The following KIAA1217 variants were observed in gnomAD, a reference collection of about 807,000 sequenced individuals.
The protein encoded by KIAA1217 is KIAA1217, also known as sickle tail protein homolog.
Under a neutral mutation model 163.9 loss-of-function variants are expected in KIAA1217, and 88 were observed. The ratio of observed to expected loss-of-function variants is 0.54; its 90% CI spans 0.45 to 0.64. The LOEUF (loss-of-function observed/expected upper bound fraction) is 0.64. Ranked by LOEUF, KIAA1217 falls within the 30% of genes least tolerant of loss-of-function variation. The probability of loss-of-function intolerance (pLI) is 0.00; values close to 1 mark genes in which losing one functional copy is unlikely to be tolerated. For missense variants in KIAA1217, 2,372 were observed against 2,475.0 expected (o/e 0.96, Z 0.88); for synonymous variants, 903 against 923.1 (o/e 0.98, Z 0.39).
At chr10:23,831,599 T>A (rs1242174882) in intron 1 of KIAA1217, among the ~76,000 whole-genome samples, 1 of 152,108 alleles carries the variant, frequency 6.6e-6, no homozygotes, top group Non-Finnish European at 1.5e-5. Context: ...AATAATTGTA[T>A]TAGGAATGTA....
intron 2 of KIAA1217, among the ~76,000 whole-genome samples, chr10:24,312,155 C>G (rs2042783760): frequency 6.6e-6 from 1 of 152,260 alleles, no homozygotes; most frequent in Non-Finnish European, 1.5e-5. Flanking sequence ...TCTCCCTGAG[C>G]CTTTCAGCAC....
At chr10:24,479,765 A>G (rs773484111) in intron 6 of KIAA1217, among the ~76,000 whole-genome samples, 4 of 152,216 alleles carry the variant, frequency 2.6e-5, no homozygotes, top group Non-Finnish European at 5.9e-5. Flanking sequence ...GAGAAGGTCA[A>G]GGGAGAAGTG....
chr10:24,544,016 C>T lies in KIAA1217; in HGVS notation c.4746C>T (p.Leu1582=), dbSNP rs756325791. 10 of 1,614,154 alleles carry T rather than the reference C, an allele frequency of 6.2e-6. No individual in the cohort carries two copies. Among genetic ancestry groups the T allele is most frequent in the Admixed American group, 1.7e-5 (1 of 60,018 alleles). The change falls in exon 19 of 21, where the codon CTC becomes CTT. Residue 1582 remains leucine (L), a synonymous_variant. Transcript: ENST00000376454. ...AATTCAAATTCCCTAAGAAGCAACT[C>T]GCCGCTCTCACTCAAGCCATTCGCA... The part of the protein sequence containing the change: ...KFKFKFPKKQ[L]AALTQAIRTG...
At position 24,091,631 on chromosome 10, in the gene KIAA1217, G is replaced by A. The variant is rs535092374; in HGVS notation, c.-171+84257G>A. 1.4e-4 allele frequency among the ~76,000 whole-genome samples: 21 copies of A among 151,972 alleles called. No homozygotes were observed. In the South Asian group the frequency reaches 4.2e-3, roughly 30 times the overall value. ...ATCTGGGTGGTAACTGTGATACTGG[G>A]ATCCAATTGTGAACATCATAAGAGT... On this transcript the variant is annotated intron_variant, in intron 2 of 18. Coordinates refer to the KIAA1217 transcript ENST00000376462.
At chr10:24,528,324 T>G (rs2072545851) in intron 14 of KIAA1217, among the ~76,000 whole-genome samples, 1 of 150,678 alleles carries the variant, frequency 6.6e-6, no homozygotes. Context: ...TTTTTTTTGT[T>G]TTTTTTTTTG....
intron 1 of KIAA1217, among the ~76,000 whole-genome samples, chr10:23,843,414 G>C (rs1431488718): frequency 1.3e-5 from 2 of 152,226 alleles, no homozygotes; most frequent in East Asian, 1.9e-4. Flanking sequence ...AATCTCAACA[G>C]AGATGACTTA....
chr10:23,784,144 T>A (rs1835382217), intron 1 of KIAA1217, among the ~76,000 whole-genome samples: 1 of 152,154 alleles, frequency 6.6e-6, no homozygotes, highest in Non-Finnish European at 1.5e-5. Context: ...TTACAATTGT[T>A]AAATACTTTC....
chr10:24,418,236 T>A (rs1362169146), intron 3 of KIAA1217, among the ~76,000 whole-genome samples: 15 of 152,116 alleles, frequency 9.9e-5, no homozygotes, highest in Non-Finnish European at 2.2e-4. Flanking sequence ...CTGGGAATAC[T>A]GGTGTGAGCC....
chr10:24,247,017 A>C (rs1329022867), intron 2 of KIAA1217, among the ~76,000 whole-genome samples: 1 of 141,666 alleles, frequency 7.1e-6, no homozygotes, highest in Non-Finnish European at 1.6e-5. Context: ...TGTCTCAAAA[A>C]AAAAAACAAC....
intron 2 of KIAA1217, among the ~76,000 whole-genome samples, chr10:24,359,530 G>C (rs1223233245): frequency 6.6e-6 from 1 of 152,138 alleles, no homozygotes; most frequent in East Asian, 1.9e-4. Context: ...TTATTACTAT[G>C]TCATGAATGA....
intron 1 of KIAA1217, among the ~76,000 whole-genome samples, chr10:23,787,278 G>A (rs1835536334): frequency 6.6e-6 from 1 of 152,108 alleles, no homozygotes; most frequent in East Asian, 1.9e-4. Flanking sequence ...GAATATATGA[G>A]ATTCTAAGAG....
chr10:23,973,489 G>T (rs191099811), intron 1 of KIAA1217, among the ~76,000 whole-genome samples: 1 of 152,194 alleles, frequency 6.6e-6, no homozygotes, highest in African/African-American at 2.4e-5. Context: ...ATAGATTACC[G>T]TTCATTCCTG....
intron 1 of KIAA1217, among the ~76,000 whole-genome samples, chr10:23,768,770 A>T (rs1834662181): frequency 6.6e-6 from 1 of 152,132 alleles, no homozygotes; most frequent in South Asian, 2.1e-4. Context: ...TTCAAGGATT[A>T]TTGACTTTCC....
At chr10:24,190,811 A>G (rs1305548842) in intron 2 of KIAA1217, among the ~76,000 whole-genome samples, 1 of 152,200 alleles carries the variant, frequency 6.6e-6, no homozygotes, top group Non-Finnish European at 1.5e-5. Context: ...AAGAAAATGT[A>G]TAATCCATAT....
intron 5 of KIAA1217, among the ~76,000 whole-genome samples, chr10:24,467,814 A>ATGTG (rs10672795): frequency 0.16 from 23,803 of 148,370 alleles, 2,199 homozygotes; most frequent in East Asian, 0.38. Flanking sequence ...GTGTGTGTGT[A>ATGTG]TGTGTGTGTG....
intron 1 of KIAA1217, among the ~76,000 whole-genome samples, chr10:23,819,852 A>AT (rs963116506): frequency 7.9e-5 from 12 of 152,102 alleles, no homozygotes; most frequent in African/African-American, 2.9e-4. Context: ...CACCTGAGTC[A>AT]TTTTTTTAGC....
At chr10:23,743,946 A>G (rs558365028) in intron 1 of KIAA1217, among the ~76,000 whole-genome samples, 1 of 152,278 alleles carries the variant, frequency 6.6e-6, no homozygotes, top group South Asian at 2.1e-4. Flanking sequence ...GGAGTAGTTA[A>G]TGTTTCCTGA....
At chr10:24,433,582 C>A (rs1264398380) in intron 4 of KIAA1217, among the ~76,000 whole-genome samples, 2 of 152,108 alleles carry the variant, frequency 1.3e-5, no homozygotes, top group Non-Finnish European at 2.9e-5. Context: ...ATTCAGTCCA[C>A]CATTTTATCT....
rs1835708743 is a variant in KIAA1217, at chr10:23,790,170, C to CGCATATGCATAT, written c.-321+94936_-321+94937insGCATATGCATAT. On this transcript the variant is annotated intron_variant, in intron 1 of 18. Coordinates refer to the KIAA1217 transcript ENST00000376462. ...ATACACATATGCATATACACATATA[C>CGCATATGCATAT]ACATATGCATATACACATATACACA... Among the ~76,000 whole-genome samples the CGCATATGCATAT allele has an allele frequency of 1.6e-4, 10 of 63,698 alleles. No individual in the cohort carries two copies. The East Asian group carries it at 1.8e-3, about 12-fold the overall frequency. 41.8% of individuals were successfully genotyped at this position (63,698 alleles called of 152,430 possible). A position where few individuals can be genotyped will look rare whatever the true frequency, so the allele number is the denominator to read the frequency against.
Sources: allele counts gnomAD v4.1 joint callset (sites outside exome capture counted in the v4.1 genomes callset), GRCh38; gene constraint gnomAD v4.1.1; transcripts MANE v1.5; gene names NCBI Gene and HGNC (gene_info 2026-07-23, HGNC 2026-07-21).